FER: variants seen among roughly 807,000 people sequenced by gnomAD.
The protein encoded by FER is tyrosine-protein kinase Fer.
Under a neutral mutation model 111.0 loss-of-function variants are expected in FER, and 63 were observed. That is an observed-to-expected ratio of 0.57 (90% CI 0.46 to 0.70). FER has a LOEUF of 0.70. FER is among the 30% of genes least tolerant of loss of function. FER has a pLI of 0.00. For missense variants in FER, 914 were observed against 954.0 expected, an observed-to-expected ratio of 0.96 and a Z score of 0.55; for synonymous variants, 327 against 313.9, an observed-to-expected ratio of 1.04 and a Z score of -0.44.
At chr5:108,914,928 G>A (rs1286059338) in intron 10 of FER, among the ~76,000 whole-genome samples, 2 of 152,204 alleles carry the variant, frequency 1.3e-5, no homozygotes, top group Non-Finnish European at 2.9e-5. Context: ...TTTCTTTTCT[G>A]TGGTATAGCC....
chr5:108,762,170 G>T (rs1751832349), intron 1 of FER, among the ~76,000 whole-genome samples: 2 of 152,092 alleles, frequency 1.3e-5, no homozygotes, highest in Non-Finnish European at 2.9e-5. Flanking sequence ...CTGCCTTGTG[G>T]TATAATTTTT....
Position 109,037,426 on chromosome 5 carries a change from A to G in FER, c.1661A>G (p.Lys554Arg), listed in dbSNP as rs1561809101. ...VVLLNPIPKD[K>R]KWILSHEDVI... ...TGTTCTTATTCTTTGCTGTAGGACAAGAAATGGATTCTCAGTCATGAAGAT... is the reference window on the plus strand; with the variant it reads ...TGTTCTTATTCTTTGCTGTAGGACAGGAAATGGATTCTCAGTCATGAAGAT... Residue 554 changes from lysine to arginine, a missense_variant, in exon 14 of 20, where the codon AAG becomes AGG. Coordinates refer to ENST00000281092, the MANE Select transcript of FER (RefSeq NM_005246.4). 6.2e-7 allele frequency: 1 copy of G among 1,611,654 alleles called. No homozygotes were observed. Among genetic ancestry groups the G allele is most frequent in the East Asian group, 2.2e-5 (1 of 44,766 alleles).
intron 17 of FER, among the ~76,000 whole-genome samples, chr5:109,109,518 G>A (rs563760035): frequency 6.6e-6 from 1 of 152,088 alleles, no homozygotes; most frequent in East Asian, 1.9e-4. Context: ...TACTTACTAT[G>A]CTTCATTTCT....
chr5:108,830,393 G>T (rs192631394), intron 3 of FER, among the ~76,000 whole-genome samples: 56 of 152,326 alleles, frequency 3.7e-4, no homozygotes, highest in African/African-American at 1.3e-3. Context: ...GGTGGAGGTT[G>T]TAGTGAGTGG....
At chr5:109,011,669 T>G (rs1296531112) in intron 13 of FER, among the ~76,000 whole-genome samples, 1 of 152,176 alleles carries the variant, frequency 6.6e-6, no homozygotes, top group Non-Finnish European at 1.5e-5. Context: ...TTTATTTTTT[T>G]GAATATAAGT....
intron 17 of FER, among the ~76,000 whole-genome samples, chr5:109,114,690 C>T (rs1249271721): frequency 3.3e-5 from 5 of 151,928 alleles, no homozygotes; most frequent in African/African-American, 1.2e-4. Context: ...ATTTTATTTA[C>T]CAAAAAAATA....
intron 3 of FER, among the ~76,000 whole-genome samples, chr5:108,810,461 C>G (rs937083000): frequency 2.0e-5 from 3 of 152,214 alleles, no homozygotes; most frequent in African/African-American, 7.2e-5. Flanking sequence ...CGCCCAGTGG[C>G]AGGCAGAAGC....
At chr5:108,845,023 TATATATATATATATATAC>T (rs1215949399) in intron 5 of FER, among the ~76,000 whole-genome samples, 64 of 53,104 alleles carry the variant, frequency 1.2e-3, no homozygotes, top group East Asian at 2.2e-3. Flanking sequence ...TATATATATA[TATATATATATATATATAC>T]ATATATATAT....
At chr5:109,070,655 C>G (rs1775663800) in intron 16 of FER, among the ~76,000 whole-genome samples, 1 of 151,814 alleles carries the variant, frequency 6.6e-6, no homozygotes, top group Admixed American at 6.6e-5. Context: ...TGGCTCTAGT[C>G]AGTATGATTT....
At chr5:108,993,641 G>A (rs1271136307) in intron 13 of FER, among the ~76,000 whole-genome samples, 10 of 146,464 alleles carry the variant, frequency 6.8e-5, no homozygotes, top group East Asian at 2.0e-4. Flanking sequence ...GGGTGAGGGC[G>A]AGGGCGAGGG....
At chr5:109,145,453 A>G (rs1367419581) in intron 17 of FER, among the ~76,000 whole-genome samples, 1 of 152,042 alleles carries the variant, frequency 6.6e-6, no homozygotes, top group Non-Finnish European at 1.5e-5. Flanking sequence ...TATGTGCTTC[A>G]GTGTTTTATA....
intron 17 of FER, among the ~76,000 whole-genome samples, chr5:109,141,147 A>G (rs1299423284): frequency 2.2e-4 from 33 of 152,112 alleles, no homozygotes; most frequent in South Asian, 2.1e-4. Context: ...AATGTTAAGA[A>G]CTCTACAGAA....
intron 17 of FER, among the ~76,000 whole-genome samples, chr5:109,133,260 T>C (rs977109199): frequency 1.3e-5 from 2 of 152,170 alleles, no homozygotes; most frequent in African/African-American, 2.4e-5. Context: ...AGAGAAACAC[T>C]ATCATGAAGA....
chr5:108,869,035 G>A (rs1002490714), intron 6 of FER, among the ~76,000 whole-genome samples: 1 of 151,928 alleles, frequency 6.6e-6, no homozygotes, highest in Non-Finnish European at 1.5e-5. Flanking sequence ...ATAACCTTGA[G>A]CAGTAGGATA....
intron 16 of FER, among the ~76,000 whole-genome samples, chr5:109,097,475 A>C (rs552681768): frequency 2.6e-5 from 4 of 152,016 alleles, no homozygotes; most frequent in Admixed American, 6.6e-5. Context: ...ACTGTATGCT[A>C]TATGTATCCA....
chr5:108,926,016 G>C (rs1028636620), intron 10 of FER, among the ~76,000 whole-genome samples: 3 of 151,414 alleles, frequency 2.0e-5, no homozygotes, highest in Non-Finnish European at 4.4e-5. Flanking sequence ...TCGCTTTCTT[G>C]TTACCCTTCA....
chr5:109,077,956 T>C (rs1776544692), intron 16 of FER, among the ~76,000 whole-genome samples: 1 of 152,196 alleles, frequency 6.6e-6, no homozygotes, highest in Admixed American at 6.6e-5. Flanking sequence ...GAGGAAATTA[T>C]GGATCAAAAA....
chr5:108,765,198 TA>T (rs530878229), intron 1 of FER, among the ~76,000 whole-genome samples: 200 of 152,314 alleles, frequency 1.3e-3, no homozygotes, highest in African/African-American at 4.3e-3. Flanking sequence ...ACCTTTGAAG[TA>T]ACGCAAGGAA....
Position 109,008,911 on chromosome 5 carries a change from A to C in FER, c.1657-28511A>C, listed in dbSNP as rs909254273. Among the ~76,000 whole-genome samples, 3 of 152,158 alleles carry C rather than the reference A, an allele frequency of 2.0e-5. No homozygotes were observed. The South Asian group carries it at 6.2e-4, about 31-fold the overall frequency. On this transcript the variant is annotated intron_variant, in intron 13 of 19. Coordinates refer to ENST00000281092, the MANE Select transcript of FER (RefSeq NM_005246.4). The stretch of plus-strand genomic sequence containing the variant: ...CTTGAACCTGGGAGGCAGAGGTTGC[A>C]GTGAGCCAAGATCGTGCCGTTGCAC...
Sources: allele counts gnomAD v4.1 joint callset (sites outside exome capture counted in the v4.1 genomes callset), GRCh38; gene constraint gnomAD v4.1.1; transcripts MANE v1.5; gene names NCBI Gene and HGNC (gene_info 2026-07-23, HGNC 2026-07-21).